The following SRGAP1 variants were observed in gnomAD, a reference collection of about 807,000 sequenced individuals.
The protein encoded by SRGAP1 is SLIT-ROBO Rho GTPase activating protein 1, also known as SLIT-ROBO Rho GTPase-activating protein 1.
In SRGAP1, 43 loss-of-function variants were observed where a neutral mutation model predicts 121.9. That is an observed-to-expected ratio of 0.35 (90% confidence interval 0.28 to 0.46). The LOEUF (loss-of-function observed/expected upper bound fraction) is 0.46, where lower values mean the gene tolerates loss of function less well. Ranked by LOEUF, SRGAP1 falls within the 20% of genes least tolerant of loss-of-function variation. The pLI is 1.00. For synonymous variants in SRGAP1, 447 were observed against 485.4 expected, an observed-to-expected ratio of 0.92 and a Z score of 1.04; for missense variants, 1,102 against 1,350.9, an observed-to-expected ratio of 0.82 and a Z score of 2.89.
chr12:63,897,613 A>G (rs1377988913), intron 1 of SRGAP1, among the ~76,000 whole-genome samples: 9 of 152,230 alleles, frequency 5.9e-5, no homozygotes, highest in African/African-American at 1.9e-4. Flanking sequence ...AACAACCTCA[A>G]TTTACCTTGT....
chr12:63,882,656 T>C (rs1900233691), intron 1 of SRGAP1, among the ~76,000 whole-genome samples: 2 of 152,206 alleles, frequency 1.3e-5, no homozygotes, highest in African/African-American at 4.8e-5. Flanking sequence ...TCAAAATGAT[T>C]GACATTAAAA....
chr12:63,848,007 T>TTATA (rs564914474), intron 1 of SRGAP1, among the ~76,000 whole-genome samples: 4,093 of 145,978 alleles, frequency 0.028, 193 homozygotes, highest in African/African-American at 0.1. Context: ...AATTTTTATT[T>TTATA]TATATATATA....
rs773538958 is a variant in SRGAP1, at chr12:64,065,166, A to G, written c.1072A>G (p.Arg358Gly). 6.2e-7 allele frequency: 1 copy of G among 1,613,698 alleles called. No individual in the cohort carries two copies. The highest frequency in any genetic ancestry group is 8.5e-7 in the Non-Finnish European group (1 of 1,179,888). The change falls in exon 8 of 22, where the codon AGG becomes GGG. Residue 358 changes from arginine (R) to glycine (G), a missense_variant. Physicochemically the swap from Arg to Gly is moderately radical, Grantham distance 125 (BLOSUM62 -2). Transcript: ENST00000355086. ...GCCAGTCCAGGCAGAGCTCATGCTC[A>G]GGTACCAACAGTTGCAGTCCCGCCT... ...QQPVQAELMLRYQQLQSRLAT... is the reference protein window; with the variant it reads ...QQPVQAELMLGYQQLQSRLAT...
In SRGAP1 at chr12:64,111,887, T is replaced by A; in HGVS notation, c.2045T>A (p.Ile682Asn). 6.2e-7 allele frequency: 1 copy of A among 1,614,024 alleles called. No homozygotes were observed. Among genetic ancestry groups the A allele is most frequent in the Non-Finnish European group, 8.5e-7 (1 of 1,179,992 alleles). ...TCTTGCCAGGCACATGTGAATGAAA[T>A]TATCAAAACCATCATCATCCACCAT... The part of the protein sequence containing the change: ...QVSCQAHVNE[I>N]IKTIIIHHET... The change falls in exon 17 of 22, where the codon ATT (isoleucine) becomes AAT (asparagine). Residue 682 changes from isoleucine (I) to asparagine (N), a missense_variant. Transcript: ENST00000355086.
rs7953278 is a variant in SRGAP1 at position 64,029,613 on chromosome 12, C to T, written c.489+12601C>T. 2.6e-3 allele frequency among the ~76,000 whole-genome samples: 394 copies of T among 152,186 alleles called. 2 individuals carry two copies. The highest frequency in any genetic ancestry group is 8.2e-3 in the African/African-American group (340 of 41,502). On this transcript the variant is annotated intron_variant, in intron 4 of 21. Coordinates refer to ENST00000355086, the MANE Select transcript of SRGAP1 (RefSeq NM_020762.4). ...GTTCCAAAAAGAGGAGAGTGTGTGA[C>T]GGAAAGCACAGATGTGTGAAACATT...
intron 1 of SRGAP1, among the ~76,000 whole-genome samples, chr12:63,950,854 C>T (rs943203204): frequency 6.6e-6 from 1 of 152,072 alleles, no homozygotes; most frequent in African/African-American, 2.4e-5. Flanking sequence ...TCTGGAAAAG[C>T]CTACCTGTGT....
chr12:64,127,596 T>A lies in SRGAP1; in HGVS notation c.2412T>A (p.Asp804Glu), dbSNP rs767326306. The change falls in exon 20 of 22, where the codon GAT (aspartate) becomes GAA (glutamate). Residue 804 changes from aspartate (D) to glutamate (E), a missense_variant. Asp to Glu is a conservative substitution (Grantham distance 45). Transcript: ENST00000355086. ...HQYIVVQDMD[D>E]TFSDTLSQKA... ...ATTCCTCTTACTGCTTCAGGGATGA[T>A]ACGTTTTCAGACACTCTGAGCCAAA... 29 of 1,613,356 alleles carry A rather than the reference T, an allele frequency of 1.8e-5. 1 individual carries two copies. In the South Asian group the frequency reaches 3.2e-4, roughly 18 times the overall value.
At chr12:64,066,199 G>A (rs541526995) in intron 8 of SRGAP1, among the ~76,000 whole-genome samples, 2 of 152,336 alleles carry the variant, frequency 1.3e-5, no homozygotes, top group South Asian at 2.1e-4. Flanking sequence ...CTTCATGTGT[G>A]TTGGTAGTGT....
rs1272794247 is a variant in SRGAP1 at position 64,158,217 on chromosome 12, T to C, written c.*15545T>C. ...TCAAGAATTGTGCTATAATCAATGTTACTAAATTATCTAGGATTAGATGTT... is the reference window on the plus strand; with the variant it reads ...TCAAGAATTGTGCTATAATCAATGTCACTAAATTATCTAGGATTAGATGTT... On this transcript the variant is annotated 3_prime_UTR_variant, in exon 22 of 22. Coordinates refer to ENST00000355086, the MANE Select transcript of SRGAP1 (RefSeq NM_020762.4). 1.3e-5 allele frequency: 2 copies of C among 152,240 alleles called. No individual in the cohort carries two copies. The highest frequency in any genetic ancestry group is 2.9e-5 in the Non-Finnish European group (2 of 68,044). The allele number at this position is 152,240 out of a possible 1,614,324, so 9.4% of individuals were successfully genotyped here.
intron 6 of SRGAP1, among the ~76,000 whole-genome samples, chr12:64,061,945 G>T (rs547492190): frequency 3.2e-4 from 49 of 152,228 alleles, no homozygotes; most frequent in African/African-American, 1.2e-3. Context: ...TAGACATTTA[G>T]ATTGTTTTTA....
chr12:64,023,107 G>A (rs1344604798), intron 4 of SRGAP1, among the ~76,000 whole-genome samples: 1 of 144,684 alleles, frequency 6.9e-6, no homozygotes, highest in East Asian at 2.1e-4. Flanking sequence ...GCCTCACAAA[G>A]TAAATGCAGA....
rs775247857 is a variant in SRGAP1 at position 64,072,108 on chromosome 12, C to CTCTGTG, written c.1126-6810_1126-6809insCTGTGT. Among the ~76,000 whole-genome samples the CTCTGTG allele has an allele frequency of 4.5e-3, 364 of 80,400 alleles. 5 individuals are homozygous for CTCTGTG. The highest frequency in any genetic ancestry group is 0.016 in the African/African-American group (338 of 21,546). The allele number at this position is 80,400 out of a possible 152,430, so 52.7% of individuals were successfully genotyped here. A position where few individuals can be genotyped will look rare whatever the true frequency, so the allele number is the denominator to read the frequency against. The stretch of plus-strand genomic sequence containing the variant: ...ATTACGGAGTTGACCCAATCTCTCT[C>CTCTGTG]TGTGTGTGTGTGTGTGTGTGTGTGT... On this transcript the variant is annotated intron_variant, in intron 8 of 21. Transcript: ENST00000355086.
At chr12:63,890,073 A>G (rs1407838929) in intron 1 of SRGAP1, among the ~76,000 whole-genome samples, 2 of 151,986 alleles carry the variant, frequency 1.3e-5, no homozygotes, top group Non-Finnish European at 2.9e-5. Flanking sequence ...GCAGATTCAC[A>G]TTTATCATGT....
At chr12:64,032,501 C>G (rs2034802674) in intron 4 of SRGAP1, 4 of 1,163,302 alleles carry the variant, frequency 3.4e-6, no homozygotes, top group Non-Finnish European at 5.1e-6. Flanking sequence ...TATCCAGCAG[C>G]CAGGCATGGA....
chr12:63,937,523 A>G (rs539646761), intron 1 of SRGAP1, among the ~76,000 whole-genome samples: 139 of 152,316 alleles, frequency 9.1e-4, no homozygotes, highest in Non-Finnish European at 1.6e-3. Flanking sequence ...TGACTTGTCT[A>G]TGACATCTGG....
chr12:64,085,120 A>G (rs1390260013), intron 10 of SRGAP1, among the ~76,000 whole-genome samples: 8 of 152,092 alleles, frequency 5.3e-5, no homozygotes, highest in Admixed American at 4.6e-4. Context: ...GATTAAAACA[A>G]ACTTGGACCT....
chr12:63,909,809 TGGCAGGCCAGAAACTCA>T (rs773813779), intron 1 of SRGAP1, among the ~76,000 whole-genome samples: 23 of 152,264 alleles, frequency 1.5e-4, no homozygotes, highest in Admixed American at 1.0e-3. Flanking sequence ...TAGGGCATGC[TGGCAGGCCAGAAACTCA>T]GGCAGGCATT....
At chr12:63,918,339 A>C (rs2136324149) in intron 1 of SRGAP1, among the ~76,000 whole-genome samples, 1 of 152,300 alleles carries the variant, frequency 6.6e-6, no homozygotes, top group Middle Eastern at 3.4e-3. Context: ...CACCCAGCTA[A>C]GAAGACTAAT....
At chr12:63,862,762 A>G (rs757071277) in intron 1 of SRGAP1, among the ~76,000 whole-genome samples, 27 of 152,188 alleles carry the variant, frequency 1.8e-4, no homozygotes, top group Non-Finnish European at 5.9e-5. Flanking sequence ...TGTCTTCTCA[A>G]TGCCGTTCAC....
Sources: allele counts gnomAD v4.1 joint callset (sites outside exome capture counted in the v4.1 genomes callset), GRCh38; gene constraint gnomAD v4.1.1; transcripts MANE v1.5; gene names NCBI Gene and HGNC (gene_info 2026-07-23, HGNC 2026-07-21).